Variants in OPRD1 observed in about 807,000 individuals in gnomAD.
OPRD1 encodes opioid receptor delta 1, also known as delta-type opioid receptor.
A neutral mutation model predicts 17.5 loss-of-function variants in OPRD1; 19 were observed. That is an observed-to-expected ratio of 1.09 (90% confidence interval 0.76 to 1.60). OPRD1 has a LOEUF of 1.60. Ranked by LOEUF, OPRD1 falls within the 40% of genes most tolerant of loss-of-function variation. The pLI is 0.00. For synonymous variants in OPRD1, 256 were observed against 240.9 expected, an observed-to-expected ratio of 1.06 and a Z score of -0.58; for missense variants, 483 against 547.2, an observed-to-expected ratio of 0.88 and a Z score of 1.17.
Position 28,812,229 on chromosome 1 carries a change from A to T in OPRD1, c.-155A>T. 1 of 276,282 alleles carries T rather than the reference A, an allele frequency of 3.6e-6. No individual in the cohort carries two copies. Among genetic ancestry groups the T allele is most frequent in the Non-Finnish European group, 5.9e-6 (1 of 169,034 alleles). 17.1% of individuals were successfully genotyped at this position (276,282 alleles called of 1,614,324 possible). On this transcript the variant is annotated 5_prime_UTR_variant, in exon 1 of 3. Transcript: ENST00000234961. ...GGGGGCTGGGCCGGTGCGGGCGGCG[A>T]GGCAGGCGGACGAGGCGCAGAGACA...
chr1:28,831,605 A>G (rs1373412401), intron 1 of OPRD1, among the ~76,000 whole-genome samples: 1 of 151,980 alleles, frequency 6.6e-6, no homozygotes, highest in African/African-American at 2.4e-5. Context: ...TCTTTCTTTC[A>G]GTGATCATGG....
At chr1:28,850,532 A>G (rs2147745366) in intron 1 of OPRD1, among the ~76,000 whole-genome samples, 1 of 151,814 alleles carries the variant, frequency 6.6e-6, no homozygotes. Context: ...CATGTTGGTC[A>G]GGCTGGTCTC....
At chr1:28,853,996 C>T (rs1230969598) in intron 1 of OPRD1, among the ~76,000 whole-genome samples, 2 of 152,042 alleles carry the variant, frequency 1.3e-5, no homozygotes, top group East Asian at 3.9e-4. Flanking sequence ...CTGCCTCGGC[C>T]TCTCAAAGTG....
rs1261888906 is a variant in OPRD1, at chr1:28,865,834, C to G, written c.*2551C>G. 3 of 152,252 alleles carry G rather than the reference C, an allele frequency of 2.0e-5. No individual in the cohort carries two copies. Among genetic ancestry groups the G allele is most frequent in the Non-Finnish European group, 4.4e-5 (3 of 68,112 alleles). 9.4% of individuals were successfully genotyped at this position (152,252 alleles called of 1,614,324 possible). On this transcript the variant is annotated 3_prime_UTR_variant, in exon 3 of 3. Transcript: ENST00000234961. ...GGCAGAAAAAGGGACAATCTAGGAA[C>G]TGGGGAAGACTCCTGAAGGAGGTGA...
At chr1:28,834,409 C>G (rs892201014) in intron 1 of OPRD1, among the ~76,000 whole-genome samples, 13 of 130,290 alleles carry the variant, frequency 1.0e-4, no homozygotes, top group African/African-American at 2.9e-4. Context: ...GAGATAGAGT[C>G]TTGCTCTGTC....
intron 2 of OPRD1, among the ~76,000 whole-genome samples, chr1:28,861,974 C>T (rs1252934741): frequency 2.0e-5 from 3 of 150,572 alleles, no homozygotes; most frequent in East Asian, 2.0e-4. Context: ...TCCAGTGGCA[C>T]GATCTCGGCT....
intron 1 of OPRD1, among the ~76,000 whole-genome samples, chr1:28,852,676 A>G (rs115408362): frequency 0.037 from 5,584 of 152,062 alleles, 146 homozygotes; most frequent in Non-Finnish European, 0.052. Flanking sequence ...GCACGACCCC[A>G]TCTCTTAGGA....
At chr1:28,827,220 C>T (rs893202310) in intron 1 of OPRD1, among the ~76,000 whole-genome samples, 3 of 152,162 alleles carry the variant, frequency 2.0e-5, no homozygotes, top group Admixed American at 1.3e-4. Context: ...TGCTGAAGTC[C>T]GGGAGGCAGA....
At chr1:28,862,192 C>T (rs1160970996) in intron 2 of OPRD1, among the ~76,000 whole-genome samples, 3 of 152,104 alleles carry the variant, frequency 2.0e-5, no homozygotes, top group Non-Finnish European at 4.4e-5. Flanking sequence ...GCTGGGATTA[C>T]AGGCGTGAAC....
chr1:28,863,355 G>T lies in OPRD1; in HGVS notation c.*72G>T, dbSNP rs887269154. Reference sequence around the variant, plus strand: ...CCACATGAGTCCCAGTGGGAGGCGCGAGCCATGATGTGGAGTGGGGCAGTA... The same window carrying T: ...CCACATGAGTCCCAGTGGGAGGCGCTAGCCATGATGTGGAGTGGGGCAGTA... On this transcript the variant is annotated 3_prime_UTR_variant, in exon 3 of 3. Transcript: ENST00000234961. The T allele has an allele frequency of 7.3e-7, 1 of 1,379,006 alleles. No individual in the cohort carries two copies. The highest frequency in any genetic ancestry group is 1.5e-5 in the African/African-American group (1 of 65,212). 85.4% of individuals were successfully genotyped at this position (1,379,006 alleles called of 1,614,324 possible).
chr1:28,863,293 C>T lies in OPRD1; in HGVS notation c.*10C>T. On this transcript the variant is annotated 3_prime_UTR_variant, in exon 3 of 3. Transcript: ENST00000234961. ...TGGCGCTGCCGCCTGACCAGGCCAT[C>T]CGGCCCCCAGAGCGCCCCTCCCTAG... 1 of 1,421,100 alleles carries T rather than the reference C, an allele frequency of 7.0e-7. No individual in the cohort carries two copies. The allele number at this position is 1,421,100 out of a possible 1,614,324, so 88.0% of individuals were successfully genotyped here.
Position 28,860,296 on chromosome 1 carries a change from C to T in OPRD1, c.577+993C>T, listed in dbSNP as rs541630430. Among the ~76,000 whole-genome samples, 34 of 150,526 alleles carry T rather than the reference C, an allele frequency of 2.3e-4. No homozygotes were observed. The South Asian group carries it at 6.9e-3, about 31-fold the overall frequency. ...AGGAGAATCACTTGAACCTGGGAGG[C>T]GGAAGTTGCAGTGAGCTGAGATCAT... On this transcript the variant is annotated intron_variant, in intron 2 of 2. Transcript: ENST00000234961.
intron 1 of OPRD1, among the ~76,000 whole-genome samples, chr1:28,855,290 C>T (rs1434506904): frequency 6.6e-6 from 1 of 152,200 alleles, no homozygotes; most frequent in South Asian, 2.1e-4. Flanking sequence ...AAGAGCAAGT[C>T]CAGAGGCCCC....
At chr1:28,838,164 A>G (rs2088868896) in intron 1 of OPRD1, among the ~76,000 whole-genome samples, 1 of 152,046 alleles carries the variant, frequency 6.6e-6, no homozygotes, top group Non-Finnish European at 1.5e-5. Context: ...AAATGATGAT[A>G]GTGATTGAGA....
rs1032188468 is a variant in OPRD1 at position 28,863,423 on chromosome 1, G to A, written c.*140G>A. Reference sequence around the variant, plus strand: ...GACCGCCAGATGGGGCCTCTGTTTCGGAGACGGGACCGGGCCGCTAGATGG... The same window carrying A: ...GACCGCCAGATGGGGCCTCTGTTTCAGAGACGGGACCGGGCCGCTAGATGG... On this transcript the variant is annotated 3_prime_UTR_variant, in exon 3 of 3. Coordinates refer to ENST00000234961, the MANE Select transcript of OPRD1 (RefSeq NM_000911.4). The A allele has an allele frequency of 4.9e-6, 5 of 1,017,490 alleles. No homozygotes were observed. The highest frequency in any genetic ancestry group is 4.0e-6 in the Non-Finnish European group (3 of 747,358). 63.0% of individuals were successfully genotyped at this position (1,017,490 alleles called of 1,614,324 possible).
intron 1 of OPRD1, among the ~76,000 whole-genome samples, chr1:28,846,856 TTC>T (rs1357694171): frequency 9.3e-5 from 6 of 64,552 alleles, no homozygotes; most frequent in African/African-American, 2.1e-4. Flanking sequence ...TTTTCTTTCT[TTC>T]TTTCTTTCTT....
rs775632942 is a variant in OPRD1 at position 28,859,013 on chromosome 1, C to T, written c.287C>T (p.Ala96Val). 45 of 1,613,804 alleles carry T rather than the reference C, an allele frequency of 2.8e-5. No individual in the cohort carries two copies. Among genetic ancestry groups the T allele is most frequent in the Non-Finnish European group, 3.3e-5 (39 of 1,180,052 alleles). Residue 96 changes from alanine (A) to valine (V), a missense_variant, in exon 2 of 3, where the codon GCG becomes GTG. By Grantham distance (64) the Ala-to-Val change is moderately conservative (BLOSUM62 0). Transcript: ENST00000234961. ...ATCTTCAACCTGGCCTTAGCCGATG[C>T]GCTGGCCACCAGCACGCTGCCTTTC... ...IYIFNLALAD[A>V]LATSTLPFQS...
chr1:28,812,317 C>T lies in OPRD1; in HGVS notation c.-67C>T, dbSNP rs2088636331. The T allele has an allele frequency of 1.3e-5, 15 of 1,144,406 alleles. No individual in the cohort carries two copies. The highest frequency in any genetic ancestry group is 3.3e-5 in the East Asian group (1 of 30,058). The allele number at this position is 1,144,406 out of a possible 1,614,324, so 70.9% of individuals were successfully genotyped here. ...GCCGCGGCCTCTGCCTTGCCGCTCC[C>T]CTCGCGTCGGATCCCCGCGCCCAGG... On this transcript the variant is annotated 5_prime_UTR_variant, in exon 1 of 3. Coordinates refer to ENST00000234961, the MANE Select transcript of OPRD1 (RefSeq NM_000911.4).
At chr1:28,813,643 G>C (rs925154353) in intron 1 of OPRD1, among the ~76,000 whole-genome samples, 1 of 152,290 alleles carries the variant, frequency 6.6e-6, no homozygotes, top group South Asian at 2.1e-4. Flanking sequence ...TAAGGGTTGA[G>C]AGGAAAATTT....
Sources: allele counts gnomAD v4.1 joint callset (sites outside exome capture counted in the v4.1 genomes callset), GRCh38; gene constraint gnomAD v4.1.1; transcripts MANE v1.5; gene names NCBI Gene and HGNC (gene_info 2026-07-23, HGNC 2026-07-21).